Variants in POFUT3 observed in about 807,000 individuals in gnomAD.
POFUT3 encodes the protein GDP-fucose protein O-fucosyltransferase 3.
chr8:33,325,831 T>C, the POFUT3 span, among the ~76,000 whole-genome samples: 14 of 152,160 alleles, frequency 9.2e-5, no homozygotes, highest in Non-Finnish European at 2.1e-4. Flanking sequence ...GTGTGAATGG[T>C]ATTTCCAGGA....
chr8:33,430,859 C>T, the POFUT3 span, among the ~76,000 whole-genome samples: 2 of 152,150 alleles, frequency 1.3e-5, no homozygotes, highest in African/African-American at 2.4e-5. Flanking sequence ...CCACCCGCCT[C>T]GGCCTCCCAA....
chr8:33,353,367 G>T, the POFUT3 span, among the ~76,000 whole-genome samples: 98 of 152,200 alleles, frequency 6.4e-4, 2 homozygotes, highest in African/African-American at 2.3e-3. Context: ...CTGAACTCAC[G>T]CATGTTTTGT....
chr8:33,436,439 T>G, the POFUT3 span: 2 of 1,444,240 alleles, frequency 1.4e-6, no homozygotes, highest in Non-Finnish European at 1.9e-6. Flanking sequence ...TTGGTACAGG[T>G]GGGACTGATG....
At chr8:33,408,211 A>C in the POFUT3 span, among the ~76,000 whole-genome samples, 3 of 151,814 alleles carry the variant, frequency 2.0e-5, no homozygotes, top group Non-Finnish European at 2.9e-5. Flanking sequence ...CTGTAGTCCC[A>C]GCTACTTGGA....
chr8:33,364,642 C>T, the POFUT3 span, among the ~76,000 whole-genome samples: 1 of 151,994 alleles, frequency 6.6e-6, no homozygotes, highest in Non-Finnish European at 1.5e-5. Flanking sequence ...ACAGACAAAT[C>T]ATGAGTGAAC....
chr8:33,371,235 C>T, the POFUT3 span: 5 of 152,318 alleles, frequency 3.3e-5, no homozygotes, highest in Admixed American at 3.3e-4. Context: ...CAGTTATAGA[C>T]ACCTTCTCTC....
the POFUT3 span, among the ~76,000 whole-genome samples, chr8:33,352,414 G>T: frequency 6.6e-6 from 1 of 152,158 alleles, no homozygotes; most frequent in East Asian, 1.9e-4. Context: ...GGCACTTTCT[G>T]ACAAATCAGA....
the POFUT3 span, chr8:33,453,109 A>G: frequency 4.6e-6 from 5 of 1,086,772 alleles, no homozygotes; most frequent in East Asian, 9.6e-5. Flanking sequence ...AGGGGTGTCA[A>G]AGTGTTTTCA....
the POFUT3 span, among the ~76,000 whole-genome samples, chr8:33,449,477 G>A: frequency 6.6e-6 from 1 of 151,720 alleles, no homozygotes; most frequent in Non-Finnish European, 1.5e-5. Context: ...TTTAGTAGAA[G>A]CAGGGTTTCA....
chr8:33,444,948 T>TTG, the POFUT3 span, among the ~76,000 whole-genome samples: 330 of 150,142 alleles, frequency 2.2e-3, 2 homozygotes, highest in African/African-American at 7.7e-3. Flanking sequence ...TTTTTTTTTT[T>TTG]TTTGAGATAG....
chr8:33,373,409 G>A, the POFUT3 span, among the ~76,000 whole-genome samples: 6 of 152,222 alleles, frequency 3.9e-5, no homozygotes, highest in South Asian at 4.2e-4. Flanking sequence ...ACTGTCCCCA[G>A]TACTAAGATG....
At chr8:33,419,953 C>T in the POFUT3 span, among the ~76,000 whole-genome samples, 1,696 of 152,126 alleles carry the variant, frequency 0.011, 14 homozygotes, top group Non-Finnish European at 0.018. Context: ...CATGGTGAAA[C>T]CCTGTCTCTA....
chr8:33,464,599 AACACAGTAAG>A, the POFUT3 span, among the ~76,000 whole-genome samples: 1 of 152,154 alleles, frequency 6.6e-6, no homozygotes, highest in Non-Finnish European at 1.5e-5. Flanking sequence ...CCACCTAGGC[AACACAGTAAG>A]ACCCCATCTC....
chr8:33,348,215 A>T, the POFUT3 span, among the ~76,000 whole-genome samples: 1 of 151,478 alleles, frequency 6.6e-6, no homozygotes, highest in Non-Finnish European at 1.5e-5. Context: ...TGCCTCTGTT[A>T]TTGCAGATGA....
At chr8:33,386,314 T>C in the POFUT3 span, among the ~76,000 whole-genome samples, 1 of 151,878 alleles carries the variant, frequency 6.6e-6, no homozygotes, top group South Asian at 2.1e-4. Context: ...TTCATTAAAA[T>C]GCAAGCAAAG....
At chr8:33,410,626 CGT>C in the POFUT3 span, among the ~76,000 whole-genome samples, 67 of 152,214 alleles carry the variant, frequency 4.4e-4, no homozygotes, top group African/African-American at 1.6e-3. Context: ...TGGGTGTGTG[CGT>C]GTGTGTATGT....
At chr8:33,349,238 G>T in the POFUT3 span, among the ~76,000 whole-genome samples, 1 of 152,198 alleles carries the variant, frequency 6.6e-6, no homozygotes, top group Non-Finnish European at 1.5e-5. Flanking sequence ...TCCTGGGCAA[G>T]TAGCCATGCA....
the POFUT3 span, among the ~76,000 whole-genome samples, chr8:33,427,808 T>C: frequency 6.6e-6 from 1 of 152,024 alleles, no homozygotes; most frequent in African/African-American, 2.4e-5. Context: ...CAAAGCAAGC[T>C]TTGGGGTTGG....
the POFUT3 span, among the ~76,000 whole-genome samples, chr8:33,397,437 C>T: frequency 6.6e-6 from 1 of 152,170 alleles, no homozygotes; most frequent in Non-Finnish European, 1.5e-5. Context: ...CTATCGCTGT[C>T]ACCACTGTCT....
Sources: gnomAD v4.1 joint callset for allele counts (sites outside exome capture counted in the v4.1 genomes callset) on GRCh38, gnomAD v4.1.1 for gene constraint, MANE v1.5 for transcripts, NCBI Gene and HGNC (gene_info 2026-07-23, HGNC 2026-07-21) for gene names.